The following AKR1E2 variants were observed in gnomAD, a reference collection of about 807,000 sequenced individuals.
AKR1E2 encodes aldo-keto reductase family 1 member E2.
Under a neutral mutation model 41.9 loss-of-function variants are expected in AKR1E2, and 43 were observed. The ratio of observed to expected loss-of-function variants is 1.03; its 90% CI spans 0.80 to 1.32. The LOEUF (loss-of-function observed/expected upper bound fraction) is 1.32. AKR1E2 is among the 40% of genes most tolerant of loss of function. The pLI is 0.00. For missense variants in AKR1E2, 423 were observed against 396.5 expected, an observed-to-expected ratio of 1.07 and a Z score of -0.57; for synonymous variants, 121 against 138.9, an observed-to-expected ratio of 0.87 and a Z score of 0.91.
chr10:4,847,338 C>T, intron 9 of AKR1E2, 108 bp downstream of exon 9: 1 of 1,554,840 alleles, frequency 6.4e-7, no homozygotes, highest in Non-Finnish European at 8.7e-7. Flanking sequence ...TAAACTTTCT[C>T]ATTATAATTC....
chr10:4,830,814 G>A lies in AKR1E2; in HGVS notation c.179G>A (p.Arg60Lys). The change falls in exon 2 of 10, where the codon AGA becomes AAA. Residue 60 changes from arginine to lysine, a missense_variant. Coordinates refer to ENST00000298375, the MANE Select transcript of AKR1E2 (RefSeq NM_001040177.3). ...TGCAAGATCAAGGAAGGCGCTGTAA[G>A]ACGGGAGGATCTGTTCATTGCCACT... ...IRCKIKEGAV[R>K]REDLFIATKL... The A allele has an allele frequency of 6.2e-7, 1 of 1,614,180 alleles. No individual in the cohort carries two copies. The highest frequency in any genetic ancestry group is 8.5e-7 in the Non-Finnish European group (1 of 1,180,018).
intron 4 of AKR1E2, 101 bp downstream of exon 4, chr10:4,835,910 C>A (rs892182604): frequency 3.4e-6 from 5 of 1,485,642 alleles, no homozygotes; most frequent in Non-Finnish European, 4.5e-6. Context: ...TCAAGGTTGT[C>A]TACCTGAGAT....
intron 8 of AKR1E2, chr10:4,845,900 A>G: frequency 2.1e-6 from 1 of 466,458 alleles, no homozygotes; most frequent in Middle Eastern, 3.3e-4. Flanking sequence ...GCGGCGGGTT[A>G]GGAGGGGCCG....
chr10:4,871,752 T>C, the AKR1E2 span: 1 of 152,154 alleles, frequency 6.6e-6, no homozygotes, highest in Non-Finnish European at 1.5e-5. Context: ...GATACTTTTA[T>C]TTTCTGATCC....
chr10:4,856,870 A>C, the AKR1E2 span, among the ~76,000 whole-genome samples: 7 of 152,174 alleles, frequency 4.6e-5, no homozygotes, highest in Non-Finnish European at 1.0e-4. Flanking sequence ...TTTATAATCA[A>C]CTGTAGAACT....
intron 5 of AKR1E2, among the ~76,000 whole-genome samples, chr10:4,838,393 GT>G (rs1833605306): frequency 1.3e-5 from 2 of 152,182 alleles, no homozygotes; most frequent in Non-Finnish European, 2.9e-5. Flanking sequence ...CTTATTTCTT[GT>G]GGTATTCTGT....
chr10:4,839,940 G>A, intron 6 of AKR1E2, 114 bp downstream of exon 6: 1 of 964,620 alleles, frequency 1.0e-6, no homozygotes, highest in Non-Finnish European at 1.7e-6. Flanking sequence ...ACAGGGTGTG[G>A]AGGGATGGTA....
Position 4,827,867 on chromosome 10 carries a change from T to TA in AKR1E2, c.39+1504_39+1505insA, listed in dbSNP as rs1832669399. Among the ~76,000 whole-genome samples, 3 of 152,180 alleles carry TA rather than the reference T, an allele frequency of 2.0e-5. No individual in the cohort carries two copies. The South Asian group carries it at 6.2e-4, about 32-fold the overall frequency. On this transcript the variant is annotated intron_variant, in intron 1 of 9. Transcript: ENST00000298375. ...TAAACTGTTGAGTCTCTTGCTTCCC[T>TA]TTATTTCTGCAACAATTTGGTGCAG...
chr10:4,852,496 G>A (rs879477501), downstream of AKR1E2, among the ~76,000 whole-genome samples: 2 of 152,172 alleles, frequency 1.3e-5, no homozygotes, highest in Admixed American at 6.5e-5. Flanking sequence ...TCCATCAATG[G>A]AAGGAGAATA....
intron 3 of AKR1E2, among the ~76,000 whole-genome samples, chr10:4,834,722 C>T (rs1833266067): frequency 1.3e-5 from 2 of 152,232 alleles, no homozygotes; most frequent in African/African-American, 4.8e-5. Flanking sequence ...TTACACTTTC[C>T]TTGCCCTCAT....
the AKR1E2 span, among the ~76,000 whole-genome samples, chr10:4,855,106 G>A: frequency 6.6e-6 from 1 of 152,298 alleles, no homozygotes; most frequent in East Asian, 1.9e-4. Flanking sequence ...ACTTTTCAGT[G>A]TAGCTGCCTT....
chr10:4,854,865 C>T, the AKR1E2 span, among the ~76,000 whole-genome samples: 1 of 152,150 alleles, frequency 6.6e-6, no homozygotes, highest in African/African-American at 2.4e-5. Flanking sequence ...TTAGAGGCCC[C>T]TCTGGGTAAA....
chr10:4,837,774 T>C (rs1029050730), intron 5 of AKR1E2, among the ~76,000 whole-genome samples, 193 bp downstream of exon 5: 27 of 152,204 alleles, frequency 1.8e-4, no homozygotes, highest in African/African-American at 6.5e-4. Context: ...TCTGGGTAGA[T>C]GGTACTGTTG....
chr10:4,838,919 C>G (rs1833647409), intron 5 of AKR1E2, among the ~76,000 whole-genome samples: 1 of 152,156 alleles, frequency 6.6e-6, no homozygotes, highest in Non-Finnish European at 1.5e-5. Context: ...TTGATGGACA[C>G]CAGGAACACA....
rs199723125 is a variant in AKR1E2, at chr10:4,846,920, G to C, written c.838-228G>C. 1.4e-4 allele frequency among the ~76,000 whole-genome samples: 22 copies of C among 152,232 alleles called. 1 individual carries two copies. In the East Asian group the frequency reaches 4.3e-3, roughly 29 times the overall value. ...CAGTATATATTTCCATCTGTCCAAG[G>C]CTTCCTAAATGTAGCCAAGGCCAAG... On this transcript the variant is annotated intron_variant, in intron 8 of 9. Transcript: ENST00000298375.
intron 5 of AKR1E2, 45 bp downstream of exon 5, chr10:4,837,626 C>G: frequency 1.3e-6 from 2 of 1,587,100 alleles, no homozygotes; most frequent in Non-Finnish European, 8.6e-7. Context: ...TGTGGCTGGT[C>G]CCCCAGCTGC....
In AKR1E2 at chr10:4,837,304, C is replaced by A. The variant is rs528949633; in HGVS notation, c.460-155C>A. 4.1e-5 allele frequency: 46 copies of A among 1,127,092 alleles called. No homozygotes were observed. In the African/African-American group the frequency reaches 6.1e-4, roughly 15 times the overall value. 69.8% of individuals were successfully genotyped at this position (1,127,092 alleles called of 1,614,324 possible). ...CAGAAAAGATGGGACTGAAATCAGA[C>A]CTTGAGTGCAGAAATGCTTTTGAAG... On this transcript the variant is annotated intron_variant, in intron 4 of 9. Transcript: ENST00000298375.
At chr10:4,835,925 G>A in intron 4 of AKR1E2, 116 bp downstream of exon 4, 1 of 1,407,678 alleles carries the variant, frequency 7.1e-7, no homozygotes, top group Non-Finnish European at 9.5e-7. Context: ...TGAGATGTGG[G>A]GTTTGTGGAG....
chr10:4,826,494 A>C (rs944371104), intron 1 of AKR1E2, 131 bp downstream of exon 1: 1 of 861,752 alleles, frequency 1.2e-6, no homozygotes, highest in Admixed American at 4.3e-5. Flanking sequence ...ACGCCCGGGA[A>C]AGGCGCTGCT....
Sources: allele counts gnomAD v4.1 joint callset (sites outside exome capture counted in the v4.1 genomes callset), GRCh38; gene constraint gnomAD v4.1.1; transcripts MANE v1.5; gene names NCBI Gene and HGNC (gene_info 2026-07-23, HGNC 2026-07-21).